GPC5: variants seen among roughly 807,000 people sequenced by gnomAD.
The protein encoded by GPC5 is glypican-5.
Under a neutral mutation model 53.9 loss-of-function variants are expected in GPC5, and 47 were observed. The observed-to-expected ratio is 0.87, with a 90% CI of 0.69 to 1.11. The LOEUF (loss-of-function observed/expected upper bound fraction) is 1.11, where lower values mean the gene tolerates loss of function less well. GPC5 is among the 50% of genes most tolerant of loss of function. The pLI, the probability that GPC5 is intolerant of heterozygous loss-of-function variation, is 0.00. For missense variants in GPC5, 748 were observed against 713.1 expected (o/e 1.05, Z -0.56); for synonymous variants, 286 against 263.3 (o/e 1.09, Z -0.84).
intron 7 of GPC5, among the ~76,000 whole-genome samples, chr13:92,861,275 A>C (rs906655594): frequency 6.6e-6 from 1 of 152,144 alleles, no homozygotes; most frequent in Non-Finnish European, 1.5e-5. Flanking sequence ...CATACTCTTC[A>C]TTATTCACAC....
At chr13:91,546,598 A>T (rs1458531267) in intron 2 of GPC5, among the ~76,000 whole-genome samples, 1 of 151,994 alleles carries the variant, frequency 6.6e-6, no homozygotes, top group Admixed American at 6.6e-5. Context: ...AAGTTCTTTG[A>T]TATGTATGTC....
At chr13:91,474,693 G>A (rs1009381055) in intron 2 of GPC5, among the ~76,000 whole-genome samples, 2 of 152,052 alleles carry the variant, frequency 1.3e-5, no homozygotes, top group Non-Finnish European at 2.9e-5. Context: ...CAAGAAGAAT[G>A]GTTTCCTAGC....
chr13:91,900,265 C>T (rs1427397339), intron 5 of GPC5, among the ~76,000 whole-genome samples: 3 of 152,034 alleles, frequency 2.0e-5, no homozygotes, highest in Admixed American at 6.6e-5. Context: ...TTGTTGTTGG[C>T]TTAAAATAGC....
chr13:92,566,350 A>C (rs1304479988), intron 7 of GPC5, among the ~76,000 whole-genome samples: 1 of 152,140 alleles, frequency 6.6e-6, no homozygotes, highest in African/African-American at 2.4e-5. Context: ...ATTTAAGAGA[A>C]TATTGTTTCC....
At position 91,416,454 on chromosome 13, in the gene GPC5, T is replaced by TTTATTATTATTA. The variant is rs368453925; in HGVS notation, c.163+17256_163+17267dup. On this transcript the variant is annotated intron_variant, in intron 1 of 7. Transcript: ENST00000377067. ...ACTATACTTGAGAGAATCCATTTCT[T>TTTATTATTATTA]TTATTATTATTATTATTATTATACT... 1.6e-3 allele frequency among the ~76,000 whole-genome samples: 245 copies of TTTATTATTATTA among 151,068 alleles called. 2 individuals carry two copies. Among genetic ancestry groups the TTTATTATTATTA allele is most frequent in the African/African-American group, 5.6e-3 (231 of 41,150 alleles).
chr13:92,717,325 G>A (rs759658742), intron 7 of GPC5, among the ~76,000 whole-genome samples: 11 of 152,024 alleles, frequency 7.2e-5, no homozygotes, highest in Admixed American at 2.0e-4. Flanking sequence ...TTGCCTCAGA[G>A]TTAGGTTCTA....
chr13:92,341,413 A>G (rs926326185), intron 7 of GPC5, among the ~76,000 whole-genome samples: 5 of 152,090 alleles, frequency 3.3e-5, no homozygotes, highest in African/African-American at 1.2e-4. Flanking sequence ...ATTTTTTTAA[A>G]TTGTAAGATA....
At chr13:92,809,146 G>A (rs1397901197) in intron 7 of GPC5, among the ~76,000 whole-genome samples, 10 of 152,110 alleles carry the variant, frequency 6.6e-5, no homozygotes, top group Non-Finnish European at 1.5e-4. Context: ...AGAATGGACA[G>A]TTACTCTCTA....
intron 7 of GPC5, among the ~76,000 whole-genome samples, chr13:92,564,101 A>T (rs1882790925): frequency 6.6e-6 from 1 of 152,042 alleles, no homozygotes; most frequent in African/African-American, 2.4e-5. Flanking sequence ...AGAATAAAAC[A>T]TTATTTTTTA....
At chr13:92,713,375 G>A (rs1233268002) in intron 7 of GPC5, among the ~76,000 whole-genome samples, 4 of 150,252 alleles carry the variant, frequency 2.7e-5, no homozygotes, top group South Asian at 4.2e-4. Context: ...GGTGGATCAC[G>A]AGGTCAGGAG....
At chr13:92,111,792 T>C (rs1268379752) in intron 6 of GPC5, among the ~76,000 whole-genome samples, 1 of 152,148 alleles carries the variant, frequency 6.6e-6, no homozygotes, top group Non-Finnish European at 1.5e-5. Flanking sequence ...AAAAGGATTA[T>C]GAAGAAATGC....
chr13:91,468,244 C>T (rs1405999129), intron 2 of GPC5, among the ~76,000 whole-genome samples: 3 of 152,082 alleles, frequency 2.0e-5, no homozygotes, highest in Non-Finnish European at 1.5e-5. Flanking sequence ...GATGTTCTCC[C>T]TGTAGAAGTA....
At chr13:91,679,168 C>CATTT (rs10669196) in intron 2 of GPC5, among the ~76,000 whole-genome samples, 23,326 of 150,830 alleles carry the variant, frequency 0.15, 2,155 homozygotes, top group East Asian at 0.26. Flanking sequence ...AAGAAATCAA[C>CATTT]ATTTATTTAT....
chr13:92,370,707 C>T (rs1371180858), intron 7 of GPC5, among the ~76,000 whole-genome samples: 4 of 152,076 alleles, frequency 2.6e-5, no homozygotes, highest in African/African-American at 9.7e-5. Context: ...GTACATAGTA[C>T]ATTGAATGTA....
intron 2 of GPC5, among the ~76,000 whole-genome samples, chr13:91,449,181 G>A (rs938342341): frequency 1.3e-5 from 2 of 151,920 alleles, no homozygotes; most frequent in Non-Finnish European, 2.9e-5. Context: ...ACTGCTATAG[G>A]GTTCTTCCAG....
At chr13:92,501,002 T>C (rs1880163088) in intron 7 of GPC5, among the ~76,000 whole-genome samples, 2 of 151,844 alleles carry the variant, frequency 1.3e-5, no homozygotes, top group South Asian at 4.2e-4. Flanking sequence ...AAAGTGGAGA[T>C]ATTTTTCATA....
intron 7 of GPC5, among the ~76,000 whole-genome samples, chr13:92,579,282 TCTCTCTCTCTCTCTCTCTCCCTCC>T (rs1566302758): frequency 2.3e-5 from 1 of 42,874 alleles, no homozygotes; most frequent in Non-Finnish European, 3.8e-5. Flanking sequence ...TCCCTCTCTC[TCTCTCTCTCTCTCTCTCTCCCTCC>T]CTCCCTCCCT....
At position 91,477,889 on chromosome 13, in the gene GPC5, A is replaced by G. The variant is rs540576637; in HGVS notation, c.325+28967A>G. Among the ~76,000 whole-genome samples, 3 of 152,360 alleles carry G rather than the reference A, an allele frequency of 2.0e-5. No homozygotes were observed. In the South Asian group the frequency reaches 6.2e-4, roughly 32 times the overall value. On this transcript the variant is annotated intron_variant, in intron 2 of 7. Coordinates refer to ENST00000377067, the MANE Select transcript of GPC5 (RefSeq NM_004466.6). ...TAGCAGTGAGCTGTGGTTATAAAAT[A>G]GAGACTGAGACAAACAGTCTTTTTA...
chr13:92,231,638 T>G (rs1361503955), intron 7 of GPC5, among the ~76,000 whole-genome samples: 4 of 148,880 alleles, frequency 2.7e-5, no homozygotes, highest in African/African-American at 7.8e-5. Context: ...TTTGTCTGAT[T>G]AAAAGAAAAA....
Sources: allele counts gnomAD v4.1 joint callset (sites outside exome capture counted in the v4.1 genomes callset), GRCh38; gene constraint gnomAD v4.1.1; transcripts MANE v1.5; gene names NCBI Gene and HGNC (gene_info 2026-07-23, HGNC 2026-07-21).